DDX42: variants seen among roughly 807,000 people sequenced by gnomAD.
The protein encoded by DDX42 is ATP-dependent RNA helicase DDX42.
Under a neutral mutation model 101.5 loss-of-function variants are expected in DDX42, and 22 were observed. The ratio of observed to expected loss-of-function variants is 0.22; its 90% confidence interval spans 0.15 to 0.31. The LOEUF (loss-of-function observed/expected upper bound fraction) is 0.31, where lower values mean the gene tolerates loss of function less well. DDX42 is among the 10% of genes least tolerant of loss of function. DDX42 has a pLI of 1.00. For missense variants in DDX42, 849 were observed against 1,199.9 expected, an observed-to-expected ratio of 0.71 and a Z score of 4.32; for synonymous variants, 402 against 401.2, an observed-to-expected ratio of 1.00 and a Z score of -0.02.
At chr17:63,805,395 T>C in intron 7 of DDX42, 1 of 516,310 alleles carries the variant, frequency 1.9e-6, no homozygotes, top group Non-Finnish European at 3.2e-6. Context: ...TTGTTTCATA[T>C]TTCAGTCAGT....
At chr17:63,811,907 A>G in intron 13 of DDX42, 25 bp from the exon 14 acceptor site, 2 of 1,614,142 alleles carry the variant, frequency 1.2e-6, no homozygotes, top group Non-Finnish European at 1.7e-6. Flanking sequence ...TGTCACAATC[A>G]TCTGTTTCAT....
In DDX42 at chr17:63,815,561, A is replaced by G. The variant is rs1378655939; in HGVS notation, c.1903-2A>G. ...CTTAACCTTGAATTTTGTTCAATGCAGAATGCCTGGTTTCGGAAATCTCGA... is the reference window on the plus strand; with the variant it reads ...CTTAACCTTGAATTTTGTTCAATGCGGAATGCCTGGTTTCGGAAATCTCGA... On this transcript the variant is annotated splice_acceptor_variant, in intron 15 of 17. Coordinates refer to ENST00000389924, the MANE Select transcript of DDX42 (RefSeq NM_203499.3). LOFTEE classifies it high-confidence loss of function. 6.2e-7 allele frequency: 1 copy of G among 1,611,618 alleles called. No individual in the cohort carries two copies. The highest frequency in any genetic ancestry group is 8.5e-7 in the Non-Finnish European group (1 of 1,178,040).
intron 1 of DDX42, chr17:63,774,879 CTACT>C (rs1209479301): frequency 6.6e-6 from 1 of 152,144 alleles, no homozygotes; most frequent in Non-Finnish European, 1.5e-5. Context: ...TTTTTGCGGC[CTACT>C]TGAGAGCGTA....
intron 13 of DDX42, 159 bp downstream of exon 13, chr17:63,811,332 G>A (rs1482107552): frequency 5.6e-6 from 3 of 537,994 alleles, no homozygotes; most frequent in African/African-American, 3.9e-5. Context: ...GGGGATAGAC[G>A]TAACAAGACT....
Position 63,811,086 on chromosome 17 carries a change from T to C in DDX42, c.1311T>C (p.Phe437=). 2.5e-6 allele frequency: 4 copies of C among 1,613,974 alleles called. No individual in the cohort carries two copies. Among genetic ancestry groups the C allele is most frequent in the Non-Finnish European group, 3.4e-6 (4 of 1,179,900 alleles). The change falls in exon 13 of 18, where the codon TTT becomes TTC. Residue 437 remains phenylalanine (F), a synonymous_variant. Transcript: ENST00000389924. The part of the protein sequence containing the change: ...HVRPDRQTLL[F]SATFRKKIEK... ...TATCTTACCTTTTAGCTCTCTTATT[T>C]AGTGCAACTTTTCGGAAGAAGATTG...
In DDX42 at chr17:63,811,803, T is replaced by C. The variant is rs1438799374; in HGVS notation, c.1399-129T>C. The C allele has an allele frequency of 7.1e-6, 9 of 1,261,976 alleles. No individual in the cohort carries two copies. In the East Asian group the frequency reaches 1.4e-4, roughly 19 times the overall value. 78.2% of individuals were successfully genotyped at this position (1,261,976 alleles called of 1,614,324 possible). A position where few individuals can be genotyped will look rare whatever the true frequency, so the allele number is the denominator to read the frequency against. ...GAGTTTTGAGCTGCACTTGACTTGC[T>C]GAAGGCCCAAGGAGAACTGGGATTG... On this transcript the variant is annotated intron_variant, in intron 13 of 17. Transcript: ENST00000389924.
In DDX42 at chr17:63,800,408, A is replaced by G. The variant is rs1483150702; in HGVS notation, c.472-60A>G. The G allele has an allele frequency of 1.9e-6, 3 of 1,553,746 alleles. No homozygotes were observed. In the African/African-American group the frequency reaches 4.1e-5, roughly 21 times the overall value. On this transcript the variant is annotated intron_variant, in intron 5 of 17. Coordinates refer to ENST00000389924, the MANE Select transcript of DDX42 (RefSeq NM_203499.3). ...CTGGTACACTATGTGCGCTAATTAC[A>G]GGAGCAGAAACATTCTCAATTGTAC...
intron 4 of DDX42, 173 bp from the exon 5 acceptor site, chr17:63,799,416 C>A: frequency 1.8e-6 from 1 of 548,674 alleles, no homozygotes; most frequent in Non-Finnish European, 3.2e-6. Context: ...TAGAGTGCAG[C>A]TACACATATA....
Position 63,818,501 on chromosome 17 carries a change from C to T in DDX42, c.*103C>T. Reference sequence around the variant, plus strand: ...GTTGGGGTCCAAAGTGTAAGGACCCCCTGCCCTTAGTGGAGAGCTGGAGCT... The same window carrying T: ...GTTGGGGTCCAAAGTGTAAGGACCCTCTGCCCTTAGTGGAGAGCTGGAGCT... On this transcript the variant is annotated 3_prime_UTR_variant, in exon 18 of 18. Coordinates refer to ENST00000389924, the MANE Select transcript of DDX42 (RefSeq NM_203499.3). 1 of 1,076,294 alleles carries T rather than the reference C, an allele frequency of 9.3e-7. No homozygotes were observed. The highest frequency in any genetic ancestry group is 1.3e-6 in the Non-Finnish European group (1 of 765,290). The allele number at this position is 1,076,294 out of a possible 1,614,324, so 66.7% of individuals were successfully genotyped here.
In DDX42 at chr17:63,818,207, G is replaced by C. The variant is rs539164812; in HGVS notation, c.2626G>C (p.Gly876Arg). 1.9e-6 allele frequency: 3 copies of C among 1,614,020 alleles called. No individual in the cohort carries two copies. The South Asian group carries it at 3.3e-5, about 18-fold the overall frequency. The part of the protein sequence containing the change: ...GSAGRHGENR[G>R]ANDGRNGESR... ...CGCAGGCCGGCATGGGGAGAACCGG[G>C]GTGCAAATGATGGTCGGAATGGGGA... Residue 876 changes from glycine to arginine, a missense_variant, in exon 18 of 18, where the codon GGT (glycine) becomes CGT (arginine). Physicochemically the swap from Gly to Arg is moderately radical, Grantham distance 125. Transcript: ENST00000389924.
At chr17:63,793,797 A>C (rs2039657567) in intron 3 of DDX42, among the ~76,000 whole-genome samples, 1 of 151,456 alleles carries the variant, frequency 6.6e-6, no homozygotes, top group African/African-American at 2.4e-5. Context: ...GCAGATCATT[A>C]AGAATGTTCA....
chr17:63,774,035 A>G, upstream of DDX42: 1 of 217,296 alleles, frequency 4.6e-6, no homozygotes, highest in Non-Finnish European at 9.1e-6. Context: ...TGTCCACCCA[A>G]CTGCAGTTTC....
intron 1 of DDX42, among the ~76,000 whole-genome samples, chr17:63,775,396 C>T (rs970479691): frequency 1.3e-5 from 2 of 151,916 alleles, no homozygotes; most frequent in African/African-American, 4.8e-5. Flanking sequence ...TTTCTAGTAG[C>T]GGGAGGAGAG....
Position 63,811,076 on chromosome 17 carries a change from C to T in DDX42, c.1301C>T (p.Thr434Ile). The change falls in exon 13 of 18, where the codon ACT becomes ATT. Residue 434 changes from threonine to isoleucine, a missense_variant and splice_region_variant. Coordinates refer to ENST00000389924, the MANE Select transcript of DDX42 (RefSeq NM_203499.3). ...TAACAGAATTTATCTTACCTTTTAG[C>T]TCTCTTATTTAGTGCAACTTTTCGG... ...IASHVRPDRQ[T>I]LLFSATFRKK... 1 of 1,612,630 alleles carries T rather than the reference C, an allele frequency of 6.2e-7. No individual in the cohort carries two copies. Among genetic ancestry groups the T allele is most frequent in the Non-Finnish European group, 8.5e-7 (1 of 1,179,170 alleles).
At chr17:63,798,256 T>C in intron 4 of DDX42, 157 bp downstream of exon 4, 1 of 614,592 alleles carries the variant, frequency 1.6e-6, no homozygotes, top group Non-Finnish European at 2.8e-6. Flanking sequence ...AGAATAGAGA[T>C]GGCAACAGTC....
At chr17:63,812,339 ACC>A in intron 14 of DDX42, 131 bp downstream of exon 14, 1 of 1,135,490 alleles carries the variant, frequency 8.8e-7, no homozygotes, top group Non-Finnish European at 1.2e-6. Flanking sequence ...CCCCTCCCAA[ACC>A]CCCAAGGAAG....
intron 17 of DDX42, chr17:63,817,434 T>C (rs1174831518): frequency 2.8e-5 from 12 of 426,056 alleles, no homozygotes; most frequent in South Asian, 2.5e-4. Context: ...ATGTGCTAAA[T>C]ACATAGATGC....
intron 1 of DDX42, among the ~76,000 whole-genome samples, chr17:63,776,613 G>C (rs2039424049): frequency 6.6e-6 from 1 of 150,968 alleles, no homozygotes; most frequent in African/African-American, 2.4e-5. Context: ...GCCAACTCTT[G>C]AGATAGGTGA....
At chr17:63,807,613 T>C (rs1186656095) in intron 8 of DDX42, 111 bp from the exon 9 acceptor site, 2 of 978,078 alleles carry the variant, frequency 2.0e-6, no homozygotes, top group African/African-American at 3.3e-5. Context: ...AGGTATGTTT[T>C]GTTCCATTGC....
Sources: gnomAD v4.1 joint callset for allele counts (sites outside exome capture counted in the v4.1 genomes callset) on GRCh38, gnomAD v4.1.1 for gene constraint, MANE v1.5 for transcripts, NCBI Gene and HGNC (gene_info 2026-07-23, HGNC 2026-07-21) for gene names.